The following CACNA1E variants were observed in gnomAD, a reference collection of about 807,000 sequenced individuals.
The protein encoded by CACNA1E is voltage-dependent R-type calcium channel subunit alpha-1E.
CACNA1E carries 40 observed loss-of-function variants against 259.2 expected under a neutral mutation model. The observed-to-expected ratio is 0.15, with a 90% confidence interval of 0.12 to 0.20. CACNA1E has a LOEUF of 0.20. CACNA1E is among the 10% of genes least tolerant of loss of function. The pLI, the probability that CACNA1E is intolerant of heterozygous loss-of-function variation, is 1.00. For missense variants in CACNA1E, 1,874 were observed against 3,040.1 expected (o/e 0.62, Z 9.02); for synonymous variants, 1,104 against 1,138.5 (o/e 0.97, Z 0.61).
At chr1:181,424,734 G>T (rs1295980223) in intron 2 of CACNA1E, among the ~76,000 whole-genome samples, 1 of 152,216 alleles carries the variant, frequency 6.6e-6, no homozygotes, top group Non-Finnish European at 1.5e-5. Context: ...GGCTGGGGGA[G>T]ATCTGTTGTC....
intron 6 of CACNA1E, among the ~76,000 whole-genome samples, chr1:181,615,006 T>TA (rs910391531): frequency 6.6e-5 from 10 of 152,300 alleles, no homozygotes; most frequent in East Asian, 1.9e-4. Context: ...CAATTTTTAC[T>TA]AAAAAAACTC....
At chr1:181,634,885 C>T (rs1462930359) in intron 6 of CACNA1E, among the ~76,000 whole-genome samples, 1 of 152,196 alleles carries the variant, frequency 6.6e-6, no homozygotes, top group Non-Finnish European at 1.5e-5. Context: ...GCTGTGCCTT[C>T]CTCTGCTTCT....
intron 34 of CACNA1E, among the ~76,000 whole-genome samples, chr1:181,766,061 C>A (rs977631235): frequency 7.2e-5 from 11 of 152,172 alleles, no homozygotes; most frequent in African/African-American, 2.4e-4. Context: ...TAGGAACTTA[C>A]AAACAAGTGA....
At chr1:181,401,491 T>A (rs931529143) in intron 1 of CACNA1E, among the ~76,000 whole-genome samples, 1 of 152,214 alleles carries the variant, frequency 6.6e-6, no homozygotes, top group African/African-American at 2.4e-5. Context: ...TTATTGTCAA[T>A]GTATTGAATA....
chr1:181,722,394 CAG>C (rs2102488914), intron 16 of CACNA1E, among the ~76,000 whole-genome samples: 1 of 152,210 alleles, frequency 6.6e-6, no homozygotes, highest in African/African-American at 2.4e-5. Context: ...CCTTACAAGA[CAG>C]AGAAAAAAAT....
At chr1:181,425,531 TC>T (rs1201398954) in intron 2 of CACNA1E, among the ~76,000 whole-genome samples, 22 of 57,760 alleles carry the variant, frequency 3.8e-4, no homozygotes, top group South Asian at 7.9e-4. Flanking sequence ...ACACCCCCGC[TC>T]CCCCCCCCGA....
intron 6 of CACNA1E, among the ~76,000 whole-genome samples, chr1:181,621,139 G>A (rs1218060098): frequency 6.6e-6 from 1 of 152,224 alleles, no homozygotes; most frequent in African/African-American, 2.4e-5. Context: ...ATTCATTTAG[G>A]AAAGCAGTGA....
intron 1 of CACNA1E, among the ~76,000 whole-genome samples, chr1:181,402,147 C>T (rs901058185): frequency 6.6e-6 from 1 of 152,182 alleles, no homozygotes; most frequent in African/African-American, 2.4e-5. Flanking sequence ...TGAGATATTT[C>T]TTATATATAA....
At chr1:181,590,042 G>A (rs1055738548) in intron 6 of CACNA1E, among the ~76,000 whole-genome samples, 5 of 152,092 alleles carry the variant, frequency 3.3e-5, no homozygotes, top group Admixed American at 1.3e-4. Context: ...CATGCCTGTT[G>A]AAAACAATAT....
intron 19 of CACNA1E, among the ~76,000 whole-genome samples, chr1:181,731,435 T>A (rs1156521204): frequency 6.6e-6 from 1 of 152,198 alleles, no homozygotes; most frequent in East Asian, 1.9e-4. Context: ...GTGTCTACCT[T>A]TGTGAACTGT....
intron 7 of CACNA1E, among the ~76,000 whole-genome samples, chr1:181,705,874 A>C (rs552889331): frequency 6.6e-6 from 1 of 152,312 alleles, no homozygotes; most frequent in East Asian, 1.9e-4. Context: ...GTGACTGTCC[A>C]GTTTGTAAGC....
chr1:181,495,422 G>A (rs1354371199), intron 1 of CACNA1E, among the ~76,000 whole-genome samples: 1 of 152,232 alleles, frequency 6.6e-6, no homozygotes, highest in African/African-American at 2.4e-5. Flanking sequence ...TGCTTCTGGG[G>A]TGTATCATAG....
At chr1:181,606,320 C>T (rs1419786131) in intron 6 of CACNA1E, among the ~76,000 whole-genome samples, 1 of 152,170 alleles carries the variant, frequency 6.6e-6, no homozygotes, top group Non-Finnish European at 1.5e-5. Flanking sequence ...AACAGCTCTA[C>T]CACCTACGGA....
At chr1:181,722,962 G>A (rs1335787555) in intron 16 of CACNA1E, among the ~76,000 whole-genome samples, 2 of 152,142 alleles carry the variant, frequency 1.3e-5, no homozygotes, top group Non-Finnish European at 1.5e-5. Context: ...GATATTCTGG[G>A]GGTAGTCAGA....
intron 3 of CACNA1E, among the ~76,000 whole-genome samples, chr1:181,564,723 G>A (rs1464279873): frequency 6.6e-6 from 1 of 152,184 alleles, no homozygotes; most frequent in East Asian, 1.9e-4. Context: ...GTAGTCTTCT[G>A]AGATGTTATT....
chr1:181,620,996 G>GA (rs1431213933), intron 6 of CACNA1E, among the ~76,000 whole-genome samples: 10 of 152,064 alleles, frequency 6.6e-5, no homozygotes, highest in African/African-American at 1.9e-4. Flanking sequence ...AAAAAGCATG[G>GA]AAAAAAACAA....
intron 2 of CACNA1E, among the ~76,000 whole-genome samples, chr1:181,431,837 C>G (rs987983370): frequency 6.6e-6 from 1 of 152,210 alleles, no homozygotes; most frequent in African/African-American, 2.4e-5. Flanking sequence ...ATACAGGGCT[C>G]CTGTATCAGA....
At chr1:181,744,892 G>C (rs1656914806) in intron 25 of CACNA1E, among the ~76,000 whole-genome samples, 1 of 152,208 alleles carries the variant, frequency 6.6e-6, no homozygotes, top group African/African-American at 2.4e-5. Flanking sequence ...TGTGGATTTA[G>C]GAGGCCAGCT....
rs1287144859 is a variant in CACNA1E, at chr1:181,483,904, A to G, written c.160A>G (p.Asn54Asp). The G allele has an allele frequency of 6.2e-7, 1 of 1,613,672 alleles. No individual in the cohort carries two copies. Among genetic ancestry groups the G allele is most frequent in the South Asian group, 1.1e-5 (1 of 91,052 alleles). Reference sequence around the variant, plus strand: ...GAGGGCGCGGACTATGGCTTTGTACAACCCCATTCCCGTCCGGCAGAACTG... The same window carrying G: ...GAGGGCGCGGACTATGGCTTTGTACGACCCCATTCCCGTCCGGCAGAACTG... ...AQRARTMALYNPIPVRQNCFT... is the reference protein window; with the variant it reads ...AQRARTMALYDPIPVRQNCFT... Residue 54 changes from asparagine to aspartate, a missense_variant, in exon 1 of 48, where the codon AAC becomes GAC. Physicochemically the swap from Asn to Asp is conservative, Grantham distance 23. Transcript: ENST00000367573.
Sources: gnomAD v4.1 joint callset for allele counts (sites outside exome capture counted in the v4.1 genomes callset) on GRCh38, gnomAD v4.1.1 for gene constraint, MANE v1.5 for transcripts, NCBI Gene and HGNC (gene_info 2026-07-23, HGNC 2026-07-21) for gene names.